The following PTGER3 variants were observed in gnomAD, a reference collection of about 807,000 sequenced individuals.
PTGER3 encodes prostaglandin E2 receptor EP3 subtype.
A neutral mutation model predicts 34.7 loss-of-function variants in PTGER3; 22 were observed. The ratio of observed to expected loss-of-function variants is 0.63; its 90% CI spans 0.45 to 0.91. The LOEUF (loss-of-function observed/expected upper bound fraction) is 0.91, where lower values mean the gene tolerates loss of function less well. Among genes scored for constraint, PTGER3 ranks in the 40% least tolerant of loss-of-function variants. The probability of loss-of-function intolerance (pLI) is 0.00; values close to 1 mark genes in which losing one functional copy is unlikely to be tolerated. For missense variants in PTGER3, 468 were observed against 519.4 expected, an observed-to-expected ratio of 0.90 and a Z score of 0.96; for synonymous variants, 241 against 230.1, an observed-to-expected ratio of 1.05 and a Z score of -0.43.
At chr1:70,991,565 C>T (rs1249660063) in intron 2 of PTGER3, among the ~76,000 whole-genome samples, 2 of 152,138 alleles carry the variant, frequency 1.3e-5, no homozygotes, top group Non-Finnish European at 2.9e-5. Context: ...AGATGCATTC[C>T]GTGCCTCAGT....
At chr1:70,946,949 A>G (rs945633634) in intron 4 of PTGER3, among the ~76,000 whole-genome samples, 1 of 152,170 alleles carries the variant, frequency 6.6e-6, no homozygotes, top group East Asian at 1.9e-4. Flanking sequence ...CAGTAACTCC[A>G]TAAGTAGGTT....
chr1:71,034,924 T>C (rs1429187853), intron 1 of PTGER3, among the ~76,000 whole-genome samples: 1 of 152,184 alleles, frequency 6.6e-6, no homozygotes, highest in Non-Finnish European at 1.5e-5. Flanking sequence ...TTTCTCATCA[T>C]AATAACTTTG....
At chr1:70,909,589 T>C (rs1213074708) in intron 4 of PTGER3, among the ~76,000 whole-genome samples, 1 of 152,102 alleles carries the variant, frequency 6.6e-6, no homozygotes, top group Non-Finnish European at 1.5e-5. Flanking sequence ...GTGTTAGAGT[T>C]CACAAGATGT....
chr1:71,002,810 A>C (rs1983588), intron 2 of PTGER3, among the ~76,000 whole-genome samples: 52,156 of 152,132 alleles, frequency 0.34, 9,442 homozygotes, highest in South Asian at 0.45. Flanking sequence ...TGTTGAAACT[A>C]ACAAAGGACA....
intron 1 of PTGER3, among the ~76,000 whole-genome samples, chr1:71,044,701 A>T (rs888960929): frequency 1.2e-4 from 18 of 152,298 alleles, no homozygotes; most frequent in Middle Eastern, 3.4e-3. Context: ...TACTAGAATT[A>T]AAGTGTCTAA....
At chr1:70,899,252 G>A (rs1004138134) in intron 4 of PTGER3, among the ~76,000 whole-genome samples, 2 of 152,142 alleles carry the variant, frequency 1.3e-5, no homozygotes, top group Non-Finnish European at 2.9e-5. Context: ...CTGTCTAGTG[G>A]GGAATAGAGA....
chr1:71,029,926 A>AAATAATAATAATAATAATAATAATAAT (rs3044586), intron 1 of PTGER3, among the ~76,000 whole-genome samples: 1 of 144,114 alleles, frequency 6.9e-6, no homozygotes, highest in African/African-American at 2.6e-5. Flanking sequence ...ACTCCATCTC[A>AAATAATAATAATAATAATAATAATAAT]AATAATAATA....
At chr1:70,894,839 T>C (rs1362557822) in intron 4 of PTGER3, among the ~76,000 whole-genome samples, 3 of 152,212 alleles carry the variant, frequency 2.0e-5, no homozygotes, top group Admixed American at 2.0e-4. Context: ...TTAAGTATTG[T>C]GCCTGAAATC....
chr1:71,000,041 C>T (rs1656335220), intron 2 of PTGER3, among the ~76,000 whole-genome samples: 1 of 152,202 alleles, frequency 6.6e-6, no homozygotes, highest in African/African-American at 2.4e-5. Context: ...AGCTGCCTCA[C>T]CACTGCTCCC....
At chr1:70,881,604 T>C (rs74086985) in intron 4 of PTGER3, among the ~76,000 whole-genome samples, 18,216 of 152,088 alleles carry the variant, frequency 0.12, 2,347 homozygotes, top group African/African-American at 0.3. Flanking sequence ...TTTTTGCTTT[T>C]ATCTTTTTTG....
At chr1:71,038,319 A>G (rs77691739) in intron 1 of PTGER3, among the ~76,000 whole-genome samples, 15,584 of 152,210 alleles carry the variant, frequency 0.1, 1,054 homozygotes, top group African/African-American at 0.18. Flanking sequence ...TTGGGGACCA[A>G]TTATTGCTTG....
chr1:70,936,981 C>T (rs1320475428), intron 4 of PTGER3, among the ~76,000 whole-genome samples: 6 of 152,154 alleles, frequency 3.9e-5, no homozygotes, highest in Admixed American at 1.3e-4. Context: ...AATGAAGGGA[C>T]AAGAGCAGAA....
chr1:70,883,054 A>C (rs934488171), intron 4 of PTGER3, among the ~76,000 whole-genome samples: 3 of 152,206 alleles, frequency 2.0e-5, no homozygotes, highest in Admixed American at 6.5e-5. Flanking sequence ...AAAATATCTC[A>C]ATCCTTACAG....
chr1:70,870,152 C>T (rs1410239988), intron 4 of PTGER3, among the ~76,000 whole-genome samples: 1 of 152,170 alleles, frequency 6.6e-6, no homozygotes, highest in African/African-American at 2.4e-5. Flanking sequence ...GCAGGCTTAA[C>T]ACCATGTGGA....
chr1:70,999,163 G>C (rs1054991770), intron 2 of PTGER3, among the ~76,000 whole-genome samples: 2 of 152,110 alleles, frequency 1.3e-5, no homozygotes, highest in African/African-American at 4.8e-5. Flanking sequence ...ATATTCAAAA[G>C]ACAATGTACA....
rs759934649 is a variant in PTGER3, at chr1:71,046,676, C to A, written c.897+5G>T. 1.3e-6 allele frequency: 2 copies of A among 1,543,636 alleles called. No homozygotes were observed. ...CTGACTTCCCCCAACCCTGGAACTACCTACCAGGAGCGGAGACCAGCAGAC... is the reference window on the plus strand; with the variant it reads ...CTGACTTCCCCCAACCCTGGAACTAACTACCAGGAGCGGAGACCAGCAGAC... On this transcript the variant is annotated splice_donor_5th_base_variant and intron_variant, in intron 1 of 3. Transcript: ENST00000306666.
At chr1:70,991,619 A>G (rs532657355) in intron 2 of PTGER3, among the ~76,000 whole-genome samples, 2 of 152,236 alleles carry the variant, frequency 1.3e-5, no homozygotes, top group African/African-American at 4.8e-5. Flanking sequence ...GGGCTACAAT[A>G]GCTTCAGGTG....
At chr1:70,964,089 T>A (rs1272634280) in intron 2 of PTGER3, among the ~76,000 whole-genome samples, 1 of 152,162 alleles carries the variant, frequency 6.6e-6, no homozygotes, top group African/African-American at 2.4e-5. Flanking sequence ...TCTGAGACCA[T>A]GTCAGCCTGG....
At chr1:70,930,448 T>C (rs754083144) in intron 4 of PTGER3, among the ~76,000 whole-genome samples, 2 of 152,234 alleles carry the variant, frequency 1.3e-5, no homozygotes, top group Non-Finnish European at 2.9e-5. Context: ...TACACTGTAC[T>C]CATACACTCA....
Sources: gnomAD v4.1 joint callset for allele counts (sites outside exome capture counted in the v4.1 genomes callset) on GRCh38, gnomAD v4.1.1 for gene constraint, MANE v1.5 for transcripts, NCBI Gene and HGNC (gene_info 2026-07-23, HGNC 2026-07-21) for gene names.